Variants in CEP20 observed in about 807,000 individuals in gnomAD.
The protein encoded by CEP20 is FGFR1OP N-terminal like.
CEP20 carries 18 observed loss-of-function variants against 20.0 expected under a neutral mutation model. The ratio of observed to expected loss-of-function variants is 0.90; its 90% CI spans 0.62 to 1.34. The LOEUF (loss-of-function observed/expected upper bound fraction) is 1.34. Ranked by LOEUF, CEP20 falls within the 40% of genes most tolerant of loss-of-function variation. CEP20 has a pLI of 0.00. For synonymous variants in CEP20, 77 were observed against 73.7 expected (o/e 1.04, Z -0.23); for missense variants, 215 against 201.6 (o/e 1.07, Z -0.40).
chr16:15,884,156 T>A lies in CEP20; in HGVS notation c.78A>T (p.Ala26=). 1 of 1,614,114 alleles carries A rather than the reference T, an allele frequency of 6.2e-7. No homozygotes were observed. The highest frequency in any genetic ancestry group is 8.5e-7 in the Non-Finnish European group (1 of 1,179,952). Reference sequence around the variant, plus strand: ...CATTGAAAACTTCAGCTCGGATCCTTGCTTTTAAATGCCCTAATACCCCCT... The same window carrying A: ...CATTGAAAACTTCAGCTCGGATCCTAGCTTTTAAATGCCCTAATACCCCCT... ...EKKGVLGHLK[A]RIRAEVFNAL... The change falls in exon 2 of 5, where the codon GCA becomes GCT. Residue 26 remains alanine, a synonymous_variant. Coordinates refer to ENST00000255759, the MANE Select transcript of CEP20 (RefSeq NM_144600.4).
chr16:15,878,902 T>C (rs941485404), intron 3 of CEP20, among the ~76,000 whole-genome samples: 4 of 152,130 alleles, frequency 2.6e-5, no homozygotes, highest in African/African-American at 9.7e-5. Flanking sequence ...AGGCACGAGA[T>C]ACCTCACTTG....
chr16:15,873,313 C>T lies in CEP20; in HGVS notation c.448+178G>A, dbSNP rs144889120. Among the ~76,000 whole-genome samples the T allele has an allele frequency of 3.3e-3, 508 of 152,192 alleles. 1 individual carries two copies. The highest frequency in any genetic ancestry group is 0.027 in the Middle Eastern group (8 of 294). ...GCCCAGTTATGCCTCCCACCCTTCC[C>T]TGTCCAAGATTCTTTACAAAAAGCA... On this transcript the variant is annotated intron_variant, in intron 4 of 4. Coordinates refer to ENST00000255759, the MANE Select transcript of CEP20 (RefSeq NM_144600.4).
At position 15,867,316 on chromosome 16, in the gene CEP20, G is replaced by T; in HGVS notation, c.*124C>A. 1 of 558,072 alleles carries T rather than the reference G, an allele frequency of 1.8e-6. No individual in the cohort carries two copies. The highest frequency in any genetic ancestry group is 3.0e-6 in the Non-Finnish European group (1 of 334,626). The allele number at this position is 558,072 out of a possible 1,614,324, so 34.6% of individuals were successfully genotyped here. A position where few individuals can be genotyped will look rare whatever the true frequency, so the allele number is the denominator to read the frequency against. ...ATTCACAAATGTAGTTAAACATGAG[G>T]GGTGTTTTGTAGAAACTCCAATTTC... On this transcript the variant is annotated 3_prime_UTR_variant, in exon 5 of 5. Transcript: ENST00000255759.
At chr16:15,880,434 A>C (rs578064362) in intron 2 of CEP20, among the ~76,000 whole-genome samples, 1 of 152,276 alleles carries the variant, frequency 6.6e-6, no homozygotes, top group South Asian at 2.1e-4. Flanking sequence ...TTCTCACAAA[A>C]ACCTGTATGT....
At chr16:15,873,149 C>CT (rs1567234661) in intron 4 of CEP20, among the ~76,000 whole-genome samples, 1 of 151,838 alleles carries the variant, frequency 6.6e-6, no homozygotes, top group Non-Finnish European at 1.5e-5. Flanking sequence ...CACCATGTCA[C>CT]TTAGGCTAGT....
chr16:15,884,295 G>C, intron 1 of CEP20, 90 bp from the exon 2 acceptor site: 1 of 1,261,860 alleles, frequency 7.9e-7, no homozygotes, highest in Non-Finnish European at 1.1e-6. Flanking sequence ...AAAGGTAAAT[G>C]GTACAAAAAC....
intron 4 of CEP20, among the ~76,000 whole-genome samples, chr16:15,869,823 G>C (rs59460596): frequency 6.6e-6 from 1 of 152,146 alleles, no homozygotes; most frequent in Non-Finnish European, 1.5e-5. Flanking sequence ...ACATGATGCA[G>C]TTCTGGCTGA....
At chr16:15,875,007 C>CGACTACAACCCTGGCTGGCATCTT (rs2044909403) in intron 3 of CEP20, among the ~76,000 whole-genome samples, 1 of 152,124 alleles carries the variant, frequency 6.6e-6, no homozygotes, top group Non-Finnish European at 1.5e-5. Context: ...TCAAGGCTTC[C>CGACTACAACCCTGGCTGGCATCTT]GACTACAACC....
chr16:15,872,105 G>A (rs1198426614), intron 4 of CEP20, among the ~76,000 whole-genome samples: 1 of 152,074 alleles, frequency 6.6e-6, no homozygotes, highest in Non-Finnish European at 1.5e-5. Context: ...ATGAGGTCAG[G>A]AGATCAAGAC....
intron 1 of CEP20, 63 bp from the exon 2 acceptor site, chr16:15,884,268 T>A: frequency 6.8e-7 from 1 of 1,470,050 alleles, no homozygotes; most frequent in Non-Finnish European, 9.2e-7. Flanking sequence ...TAGGCATACT[T>A]TGAAAAGAAA....
chr16:15,886,957 G>A (rs1218681985), intron 1 of CEP20, among the ~76,000 whole-genome samples: 1 of 150,908 alleles, frequency 6.6e-6, no homozygotes, highest in Admixed American at 6.6e-5. Context: ...GGAGTGCAGT[G>A]GCACCACTGT....
chr16:15,877,901 T>C (rs1218169472), intron 3 of CEP20, among the ~76,000 whole-genome samples: 1 of 150,748 alleles, frequency 6.6e-6, no homozygotes, highest in East Asian at 2.0e-4. Flanking sequence ...CAAAAAAATA[T>C]GAAAAAAAAT....
chr16:15,878,003 G>C (rs1334232441), intron 3 of CEP20, among the ~76,000 whole-genome samples: 1 of 151,934 alleles, frequency 6.6e-6, no homozygotes, highest in South Asian at 2.1e-4. Context: ...GCGGTGAGCT[G>C]AGATGGGGCC....
At chr16:15,871,442 T>A (rs535129028) in intron 4 of CEP20, among the ~76,000 whole-genome samples, 3 of 152,258 alleles carry the variant, frequency 2.0e-5, no homozygotes, top group Middle Eastern at 3.4e-3. Flanking sequence ...TTAAAAAATT[T>A]AGAGATTTAC....
In CEP20 at chr16:15,879,907, T is replaced by A. The variant is rs1293514902; in HGVS notation, c.227-19A>T. On this transcript the variant is annotated intron_variant, in intron 2 of 4. Coordinates refer to ENST00000255759, the MANE Select transcript of CEP20 (RefSeq NM_144600.4). ...CCAGATTCTGGGAGAAATAAATTCA[T>A]GAGAACACTCAGTCTATTAAACTAA... 6.6e-7 allele frequency: 1 copy of A among 1,509,096 alleles called. No homozygotes were observed. Among genetic ancestry groups the A allele is most frequent in the Non-Finnish European group, 9.0e-7 (1 of 1,106,120 alleles). 93.5% of individuals were successfully genotyped at this position (1,509,096 alleles called of 1,614,324 possible). A position where few individuals can be genotyped will look rare whatever the true frequency, so the allele number is the denominator to read the frequency against.
chr16:15,887,589 G>A (rs780089993), intron 1 of CEP20, among the ~76,000 whole-genome samples: 37 of 152,268 alleles, frequency 2.4e-4, no homozygotes, highest in South Asian at 2.1e-3. Flanking sequence ...TGGGCATAGG[G>A]TTGTTACAAT....
chr16:15,867,542 AT>A, intron 4 of CEP20, 26 bp from the exon 5 acceptor site: 1 of 1,530,052 alleles, frequency 6.5e-7, no homozygotes, highest in Non-Finnish European at 8.9e-7. Context: ...ACCAATGTTA[AT>A]ACTTATCCCA....
At chr16:15,885,776 G>GT (rs1377490713) in intron 1 of CEP20, 4 of 152,202 alleles carry the variant, frequency 2.6e-5, no homozygotes, top group Admixed American at 2.6e-4. Context: ...AATCTACCAC[G>GT]TGACTGTATC....
chr16:15,878,132 AC>A (rs141159450), intron 3 of CEP20, among the ~76,000 whole-genome samples: 1,821 of 152,290 alleles, frequency 0.012, 40 homozygotes, highest in African/African-American at 0.038. Context: ...TAAAGGAGTT[AC>A]TATCTGAACA....
Sources: gnomAD v4.1 joint callset for allele counts (sites outside exome capture counted in the v4.1 genomes callset) on GRCh38, gnomAD v4.1.1 for gene constraint, MANE v1.5 for transcripts, NCBI Gene and HGNC (gene_info 2026-07-23, HGNC 2026-07-21) for gene names.